CCDC13: variants seen among roughly 807,000 people sequenced by gnomAD.
CCDC13 encodes coiled-coil domain containing 13.
Under a neutral mutation model 87.3 loss-of-function variants are expected in CCDC13, and 70 were observed. The observed-to-expected ratio is 0.80, with a 90% CI of 0.66 to 0.98. The LOEUF is 0.98. Ranked by LOEUF, CCDC13 falls within the 50% of genes least tolerant of loss-of-function variation. The probability of loss-of-function intolerance (pLI) is 0.00; values close to 1 mark genes in which losing one functional copy is unlikely to be tolerated. For synonymous variants in CCDC13, 317 were observed against 360.3 expected (o/e 0.88, Z 1.36); for missense variants, 842 against 892.0 (o/e 0.94, Z 0.71).
chr3:42,743,122 T>C, intron 7 of CCDC13, 65 bp from the exon 8 acceptor site: 1 of 1,578,956 alleles, frequency 6.3e-7, no homozygotes, highest in Non-Finnish European at 8.7e-7. Context: ...CTCAGAAGTG[T>C]GATAGGAGAC....
At chr3:42,725,960 G>A (rs1222973228) in intron 13 of CCDC13, among the ~76,000 whole-genome samples, 2 of 152,150 alleles carry the variant, frequency 1.3e-5, no homozygotes, top group Non-Finnish European at 2.9e-5. Flanking sequence ...AAGGGAATAA[G>A]TTCAAAATTA....
intron 14 of CCDC13, among the ~76,000 whole-genome samples, chr3:42,710,901 A>T: frequency 6.6e-6 from 1 of 151,968 alleles, no homozygotes; most frequent in East Asian, 1.9e-4. Context: ...TGGATGGGAA[A>T]CTGCTTGTTC....
At chr3:42,758,052 G>A in intron 2 of CCDC13, 73 bp downstream of exon 2, 2 of 1,264,354 alleles carry the variant, frequency 1.6e-6, no homozygotes, top group Admixed American at 4.1e-5. Context: ...TTTTGCTATA[G>A]CTCCGGTGGT....
chr3:42,747,206 C>A (rs781206425), intron 6 of CCDC13, 51 bp downstream of exon 6: 1 of 1,420,920 alleles, frequency 7.0e-7, no homozygotes, highest in South Asian at 1.1e-5. Context: ...GTGCTCTTCC[C>A]AAGTCCAGCC....
Position 42,732,867 on chromosome 3 carries a change from C to T in CCDC13, c.1595+20G>A, listed in dbSNP as rs368326533. Reference sequence around the variant, plus strand: ...AGAATGGGAAAAAACTGTGAGAGTCCGGGGGTCGGGGGTCCATACCTAGGT... The same window carrying T: ...AGAATGGGAAAAAACTGTGAGAGTCTGGGGGTCGGGGGTCCATACCTAGGT... On this transcript the variant is annotated intron_variant, in intron 12 of 15. Transcript: ENST00000310232. 623 of 1,544,590 alleles carry T rather than the reference C, an allele frequency of 4.0e-4. No individual in the cohort carries two copies. The highest frequency in any genetic ancestry group is 5.1e-4 in the Non-Finnish European group (588 of 1,142,626).
At chr3:42,739,244 C>G (rs978292445) in intron 9 of CCDC13, among the ~76,000 whole-genome samples, 3 of 152,116 alleles carry the variant, frequency 2.0e-5, no homozygotes, top group Non-Finnish European at 4.4e-5. Context: ...TTATAACATG[C>G]CCAGAAGAGG....
intron 8 of CCDC13, among the ~76,000 whole-genome samples, chr3:42,742,299 T>C (rs2125894208): frequency 6.6e-6 from 1 of 152,244 alleles, no homozygotes; most frequent in East Asian, 1.9e-4. Flanking sequence ...AGAGGCTGCA[T>C]TGGAGGAGAG....
At chr3:42,770,896 T>G (rs1700066608) in intron 1 of CCDC13, 1 of 152,404 alleles carries the variant, frequency 6.6e-6, no homozygotes, top group Admixed American at 6.6e-5. Context: ...TGAACACATC[T>G]TGACATCAGA....
intron 13 of CCDC13, among the ~76,000 whole-genome samples, chr3:42,729,560 G>A (rs905260268): frequency 2.6e-5 from 4 of 152,170 alleles, no homozygotes; most frequent in South Asian, 2.1e-4. Flanking sequence ...GGGTGGATAC[G>A]GGCGCAGCAC....
intron 1 of CCDC13, among the ~76,000 whole-genome samples, chr3:42,764,797 T>C (rs1413298234): frequency 6.6e-6 from 1 of 152,172 alleles, no homozygotes; most frequent in East Asian, 1.9e-4. Flanking sequence ...GGGCACTCTG[T>C]GGACTCCCAG....
chr3:42,722,837 C>T (rs1206542524), intron 13 of CCDC13, among the ~76,000 whole-genome samples: 1 of 145,634 alleles, frequency 6.9e-6, no homozygotes, highest in African/African-American at 2.6e-5. Flanking sequence ...CGCTCAGTCA[C>T]CCAGGCTGGA....
chr3:42,756,868 A>G (rs1465287403), intron 3 of CCDC13, among the ~76,000 whole-genome samples, 198 bp downstream of exon 3: 1 of 151,298 alleles, frequency 6.6e-6, no homozygotes, highest in Non-Finnish European at 1.5e-5. Flanking sequence ...CTGTGCTCCC[A>G]TTTTCTGGTG....
At chr3:42,772,719 G>A (rs1006467984) in intron 1 of CCDC13, among the ~76,000 whole-genome samples, 3 of 152,140 alleles carry the variant, frequency 2.0e-5, no homozygotes, top group East Asian at 3.9e-4. Context: ...GCTTGGAGGG[G>A]AACTCCCTCT....
At chr3:42,753,820 A>G (rs1699643552) in intron 3 of CCDC13, among the ~76,000 whole-genome samples, 1 of 152,236 alleles carries the variant, frequency 6.6e-6, no homozygotes, top group Non-Finnish European at 1.5e-5. Context: ...TGCTTAGAGT[A>G]TCTGAGGACC....
intron 7 of CCDC13, among the ~76,000 whole-genome samples, chr3:42,743,987 C>A (rs540787710): frequency 2.0e-5 from 3 of 152,130 alleles, no homozygotes; most frequent in Non-Finnish European, 2.9e-5. Flanking sequence ...CACTGCCCTG[C>A]GTAACACTGT....
chr3:42,754,832 A>AT (rs1553692506), intron 3 of CCDC13, among the ~76,000 whole-genome samples: 15 of 151,510 alleles, frequency 9.9e-5, no homozygotes, highest in Admixed American at 4.0e-4. Flanking sequence ...TCCTCTGGGT[A>AT]TTTTTTTTTC....
intron 13 of CCDC13, among the ~76,000 whole-genome samples, chr3:42,723,360 A>G (rs913661918): frequency 6.6e-6 from 1 of 152,206 alleles, no homozygotes; most frequent in African/African-American, 2.4e-5. Flanking sequence ...CTGTTTGATT[A>G]ACACAAAGTC....
intron 7 of CCDC13, among the ~76,000 whole-genome samples, chr3:42,743,748 T>G (rs1251089835): frequency 1.3e-5 from 2 of 151,592 alleles, no homozygotes. Flanking sequence ...TCGAGAGATC[T>G]GCCCACCTCA....
intron 1 of CCDC13, among the ~76,000 whole-genome samples, chr3:42,767,020 T>C (rs1699945640): frequency 1.3e-5 from 2 of 152,236 alleles, no homozygotes; most frequent in South Asian, 4.1e-4. Context: ...CCCTTCTCTC[T>C]ACTCTCTTTC....
Sources: gnomAD v4.1 joint callset for allele counts (sites outside exome capture counted in the v4.1 genomes callset) on GRCh38, gnomAD v4.1.1 for gene constraint, MANE v1.5 for transcripts, NCBI Gene and HGNC (gene_info 2026-07-23, HGNC 2026-07-21) for gene names.